The following ANKRD28 variants were observed in gnomAD, a reference collection of about 807,000 sequenced individuals.
The protein encoded by ANKRD28 is serine/threonine-protein phosphatase 6 regulatory ankyrin repeat subunit A.
Under a neutral mutation model 126.5 loss-of-function variants are expected in ANKRD28, and 44 were observed. The observed-to-expected ratio is 0.35, with a 90% CI of 0.27 to 0.45. The LOEUF (loss-of-function observed/expected upper bound fraction) is 0.45, where lower values mean the gene tolerates loss of function less well. Among genes scored for constraint, ANKRD28 ranks in the 20% least tolerant of loss-of-function variants. The pLI is 1.00. For synonymous variants in ANKRD28, 442 were observed against 468.5 expected (o/e 0.94, Z 0.73); for missense variants, 1,110 against 1,316.6 (o/e 0.84, Z 2.43).
intron 2 of ANKRD28, among the ~76,000 whole-genome samples, chr3:15,789,437 T>TAA (rs145398421): frequency 6.7e-6 from 1 of 148,172 alleles, no homozygotes; most frequent in Non-Finnish European, 1.5e-5. Context: ...CTCCTTTTTT[T>TAA]AAAAAAAAAA....
Position 15,711,115 on chromosome 3 carries a change from T to C in ANKRD28, c.1337+96A>G, listed in dbSNP as rs2072214462. The stretch of plus-strand genomic sequence containing the variant: ...AACTCCTGTTTTGTTTTCTATTTTC[T>C]GGCAGCCCAGAATTAATAAAAAAGA... On this transcript the variant is annotated intron_variant, in intron 12 of 27. Transcript: ENST00000683139. 5 of 1,061,692 alleles carry C rather than the reference T, an allele frequency of 4.7e-6. No homozygotes were observed. In the South Asian group the frequency reaches 8.5e-5, roughly 18 times the overall value. The allele number at this position is 1,061,692 out of a possible 1,614,324, so 65.8% of individuals were successfully genotyped here.
intron 7 of ANKRD28, among the ~76,000 whole-genome samples, chr3:15,722,193 T>C (rs1475100298): frequency 6.6e-6 from 1 of 152,158 alleles, no homozygotes. Context: ...AGAGTCTCTA[T>C]TTAGAGTGGG....
At chr3:15,842,790 A>G (rs924995819) in intron 1 of ANKRD28, among the ~76,000 whole-genome samples, 4 of 152,240 alleles carry the variant, frequency 2.6e-5, no homozygotes, top group African/African-American at 9.6e-5. Flanking sequence ...AATATTACAT[A>G]TATTAATATT....
chr3:15,782,634 C>T (rs1322065892), intron 2 of ANKRD28, among the ~76,000 whole-genome samples: 2 of 152,022 alleles, frequency 1.3e-5, no homozygotes, highest in African/African-American at 4.8e-5. Context: ...GGAAAAATGC[C>T]ATACTCACTA....
chr3:15,716,868 G>C (rs1255604919), intron 8 of ANKRD28, among the ~76,000 whole-genome samples: 7 of 152,140 alleles, frequency 4.6e-5, no homozygotes, highest in African/African-American at 1.7e-4. Flanking sequence ...AGGCCAAAGC[G>C]GAAGGACTGC....
At chr3:15,842,077 T>C (rs6790487) in intron 1 of ANKRD28, among the ~76,000 whole-genome samples, 3,415 of 148,044 alleles carry the variant, frequency 0.023, 133 homozygotes, top group African/African-American at 0.079. Flanking sequence ...TATTTTATAA[T>C]TTTTATATTA....
chr3:15,850,224 T>TATATATATATAGAGAGAGAGAG (rs1418223588), intron 1 of ANKRD28, among the ~76,000 whole-genome samples: 12 of 35,106 alleles, frequency 3.4e-4, no homozygotes, highest in Non-Finnish European at 6.0e-4. Flanking sequence ...TATATATATA[T>TATATATATATAGAGAGAGAGAG]AGAGAGAGAG....
At chr3:15,698,144 G>C (rs767614774) in intron 14 of ANKRD28, among the ~76,000 whole-genome samples, 24 of 151,942 alleles carry the variant, frequency 1.6e-4, no homozygotes, top group Non-Finnish European at 2.6e-4. Context: ...CGGTCTGTCT[G>C]ATTATCTCAA....
chr3:15,715,889 C>CA (rs1207741098), intron 8 of ANKRD28, among the ~76,000 whole-genome samples: 1 of 151,756 alleles, frequency 6.6e-6, no homozygotes, highest in East Asian at 1.9e-4. Flanking sequence ...AAAAAAAGGG[C>CA]AAAAAAGCAT....
At chr3:15,755,272 T>C (rs1047064195) in intron 3 of ANKRD28, among the ~76,000 whole-genome samples, 1 of 152,074 alleles carries the variant, frequency 6.6e-6, no homozygotes, top group Non-Finnish European at 1.5e-5. Context: ...GAAACAATAT[T>C]CCCCCACCAA....
At chr3:15,685,536 C>G in intron 20 of ANKRD28, 91 bp from the exon 21 acceptor site, 1 of 1,068,372 alleles carries the variant, frequency 9.4e-7, no homozygotes, top group South Asian at 1.4e-5. Context: ...AGACCATACT[C>G]TCCATATCCT....
chr3:15,749,973 C>A (rs981278381), intron 4 of ANKRD28, among the ~76,000 whole-genome samples: 1 of 152,206 alleles, frequency 6.6e-6, no homozygotes, highest in African/African-American at 2.4e-5. Flanking sequence ...AATTTTTAGA[C>A]TGAAGAGTAG....
At chr3:15,771,637 T>A (rs892613111) in intron 2 of ANKRD28, among the ~76,000 whole-genome samples, 2 of 152,164 alleles carry the variant, frequency 1.3e-5, no homozygotes, top group African/African-American at 4.8e-5. Context: ...AATCCATTTA[T>A]AAAGGATCTG....
chr3:15,744,601 G>A (rs1363287159), intron 4 of ANKRD28, among the ~76,000 whole-genome samples: 4 of 152,068 alleles, frequency 2.6e-5, no homozygotes, highest in Non-Finnish European at 5.9e-5. Context: ...CCAGGCGTGA[G>A]CCACCGCGCC....
chr3:15,771,499 C>G (rs916260173), intron 2 of ANKRD28, among the ~76,000 whole-genome samples: 3 of 151,328 alleles, frequency 2.0e-5, no homozygotes, highest in Admixed American at 2.0e-4. Context: ...AAAAGGAGAG[C>G]AGGGGTGTCA....
chr3:15,726,170 C>T (rs2074148098), intron 6 of ANKRD28, among the ~76,000 whole-genome samples: 1 of 152,312 alleles, frequency 6.6e-6, no homozygotes, highest in Admixed American at 6.5e-5. Context: ...AATAACCCTA[C>T]AGCAGCCCCT....
At chr3:15,755,948 T>C (rs562734673) in intron 3 of ANKRD28, among the ~76,000 whole-genome samples, 3 of 152,324 alleles carry the variant, frequency 2.0e-5, no homozygotes, top group South Asian at 2.1e-4. Context: ...ACAACACACA[T>C]AGCAATTTAA....
Position 15,853,465 on chromosome 3 carries a change from G to T in ANKRD28, c.27+5912C>A, listed in dbSNP as rs1027598863. On this transcript the variant is annotated intron_variant, in intron 1 of 27. Transcript: ENST00000399451. The surrounding 1 kb of genome is among the most constrained non-coding windows in gnomAD (Gnocchi z 4.2). The stretch of plus-strand genomic sequence containing the variant: ...TAACTACCATAATCAATGTTTTATG[G>T]TTTTTTTTGTTTTTTTGTTTTTGAG... Among the ~76,000 whole-genome samples the T allele has an allele frequency of 2.6e-5, 4 of 151,240 alleles. No homozygotes were observed. Among genetic ancestry groups the T allele is most frequent in the Admixed American group, 6.6e-5 (1 of 15,194 alleles).
chr3:15,670,652 T>C, intron 27 of ANKRD28, 96 bp from the exon 28 acceptor site: 1 of 1,213,764 alleles, frequency 8.2e-7, no homozygotes, highest in East Asian at 2.5e-5. Flanking sequence ...TTTAGACATA[T>C]TTTACATTAC....
Sources: gnomAD v4.1 joint callset for allele counts (sites outside exome capture counted in the v4.1 genomes callset) on GRCh38, gnomAD v4.1.1 for gene constraint, Gnocchi (gnomAD v3.1) non-coding constraint, MANE v1.5 for transcripts, NCBI Gene and HGNC (gene_info 2026-07-23, HGNC 2026-07-21) for gene names.